Variants in PDK1 observed in about 807,000 individuals in gnomAD.
The protein encoded by PDK1 is [Pyruvate dehydrogenase (acetyl-transferring)] kinase isozyme 1, mitochondrial.
A neutral mutation model predicts 54.2 loss-of-function variants in PDK1; 39 were observed. The ratio of observed to expected loss-of-function variants is 0.72; its 90% CI spans 0.56 to 0.94. The LOEUF (loss-of-function observed/expected upper bound fraction) is 0.94, where lower values mean the gene tolerates loss of function less well. PDK1 is among the 40% of genes least tolerant of loss of function. The probability of loss-of-function intolerance (pLI) is 0.00; values close to 1 mark genes in which losing one functional copy is unlikely to be tolerated. For missense variants in PDK1, 552 were observed against 566.0 expected (o/e 0.98, Z 0.25); for synonymous variants, 221 against 207.1 (o/e 1.07, Z -0.58).
At position 172,608,210 on chromosome 2, in the gene PDK1, A is replaced by G. The variant is rs1691357991; in HGVS notation, c.*12241A>G. The G allele has an allele frequency of 6.6e-6, 1 of 152,336 alleles. No individual in the cohort carries two copies. The allele number at this position is 152,336 out of a possible 1,614,324, so 9.4% of individuals were successfully genotyped here. On this transcript the variant is annotated 3_prime_UTR_variant, in exon 11 of 11. Transcript: ENST00000282077. ...GGGATGATAATGATATTGCTGTACT[A>G]AAGTCTATTTAGGAAATGGAAATAT...
intron 8 of PDK1, among the ~76,000 whole-genome samples, chr2:172,583,286 T>TTTG (rs1261563000): frequency 1.7e-5 from 2 of 120,892 alleles, no homozygotes; most frequent in Non-Finnish European, 3.3e-5. Flanking sequence ...TTCTGGTTTT[T>TTTG]TTTTTTTTTT....
chr2:172,686,148 C>G, the PDK1 span, among the ~76,000 whole-genome samples: 8 of 152,296 alleles, frequency 5.3e-5, no homozygotes, highest in Non-Finnish European at 8.8e-5. Context: ...GAATTTCACT[C>G]TTTAGTAAAG....
chr2:172,701,742 C>A, the PDK1 span, among the ~76,000 whole-genome samples: 8 of 148,994 alleles, frequency 5.4e-5, no homozygotes, highest in East Asian at 1.6e-3. Flanking sequence ...TAGATACATG[C>A]ACATTTAGAA....
chr2:172,622,382 A>G, the PDK1 span, among the ~76,000 whole-genome samples: 1 of 147,010 alleles, frequency 6.8e-6, no homozygotes, highest in Non-Finnish European at 1.5e-5. Context: ...ATTATGTGAG[A>G]TATGTTTATA....
the PDK1 span, among the ~76,000 whole-genome samples, chr2:172,708,075 G>A: frequency 5.7e-4 from 87 of 152,124 alleles, no homozygotes; most frequent in Non-Finnish European, 9.6e-4. Context: ...GTCGAGGTGA[G>A]TAGATTGCTT....
the PDK1 span, among the ~76,000 whole-genome samples, chr2:172,691,650 A>G: frequency 6.6e-6 from 1 of 152,312 alleles, no homozygotes; most frequent in South Asian, 2.1e-4. Context: ...AATGTCATAT[A>G]GTTGGAATCG....
rs1427023937 is a variant in PDK1, at chr2:172,582,703, G to A, written c.946-3575G>A. On this transcript the variant is annotated intron_variant, in intron 8 of 10. Coordinates refer to ENST00000282077, the MANE Select transcript of PDK1 (RefSeq NM_002610.5). Reference sequence around the variant, plus strand: ...CATTATTCCCTCCCTCCCTTTTCCTGAAGAACTTGGATCCTCCAATAATCT... The same window carrying A: ...CATTATTCCCTCCCTCCCTTTTCCTAAAGAACTTGGATCCTCCAATAATCT... Among the ~76,000 whole-genome samples, 4 of 152,140 alleles carry A rather than the reference G, an allele frequency of 2.6e-5. No individual in the cohort carries two copies. The East Asian group carries it at 5.8e-4, about 22-fold the overall frequency.
chr2:172,599,237 A>G lies in PDK1; in HGVS notation c.*3268A>G, dbSNP rs1691031531. 1 of 152,130 alleles carries G rather than the reference A, an allele frequency of 6.6e-6. No individual in the cohort carries two copies. The allele number at this position is 152,130 out of a possible 1,614,324, so 9.4% of individuals were successfully genotyped here. ...TTGAATGGCAGAACTACTATAGTCA[A>G]AAATAAATTCCTATCCTATTTTTAA... On this transcript the variant is annotated 3_prime_UTR_variant, in exon 11 of 11. Coordinates refer to ENST00000282077, the MANE Select transcript of PDK1 (RefSeq NM_002610.5).
chr2:172,611,746 A>G (rs1187853687), downstream of PDK1, among the ~76,000 whole-genome samples: 2 of 152,266 alleles, frequency 1.3e-5, no homozygotes, highest in East Asian at 1.9e-4. Context: ...TCAAGATTCA[A>G]AAATCAATTA....
At chr2:172,683,649 A>G in the PDK1 span, among the ~76,000 whole-genome samples, 1 of 152,228 alleles carries the variant, frequency 6.6e-6, no homozygotes, top group Admixed American at 6.5e-5. Context: ...TGGAGTGAGT[A>G]ATGCATGGAT....
chr2:172,652,234 T>C, the PDK1 span, among the ~76,000 whole-genome samples: 1 of 152,218 alleles, frequency 6.6e-6, no homozygotes, highest in Non-Finnish European at 1.5e-5. Flanking sequence ...ATTATCTCAA[T>C]AGATGCAGAA....
At chr2:172,716,526 T>C in the PDK1 span, among the ~76,000 whole-genome samples, 7 of 152,092 alleles carry the variant, frequency 4.6e-5, no homozygotes, top group East Asian at 9.6e-4. Context: ...AGTTTCACCA[T>C]GTTGGTCAGG....
Position 172,607,197 on chromosome 2 carries a change from G to A in PDK1, c.*11228G>A, listed in dbSNP as rs1054152909. Reference sequence around the variant, plus strand: ...CCAACTACTCCAGAGGCTGAGGTGTGATAGAATTTCTTGAACCTAGGCGTT... The same window carrying A: ...CCAACTACTCCAGAGGCTGAGGTGTAATAGAATTTCTTGAACCTAGGCGTT... On this transcript the variant is annotated 3_prime_UTR_variant, in exon 11 of 11. Coordinates refer to ENST00000282077, the MANE Select transcript of PDK1 (RefSeq NM_002610.5). 6.6e-6 allele frequency: 1 copy of A among 151,894 alleles called. No homozygotes were observed. The highest frequency in any genetic ancestry group is 2.4e-5 in the African/African-American group (1 of 41,442). 9.4% of individuals were successfully genotyped at this position (151,894 alleles called of 1,614,324 possible). A position where few individuals can be genotyped will look rare whatever the true frequency, so the allele number is the denominator to read the frequency against.
chr2:172,658,652 A>G, the PDK1 span, among the ~76,000 whole-genome samples: 2,398 of 152,268 alleles, frequency 0.016, 65 homozygotes, highest in African/African-American at 0.055. Context: ...CTAGCAAGGA[A>G]TATTAAGACC....
the PDK1 span, among the ~76,000 whole-genome samples, chr2:172,702,332 C>T: frequency 2.6e-5 from 4 of 152,096 alleles, no homozygotes; most frequent in East Asian, 1.9e-4. Context: ...AAAAAATTAG[C>T]GGCGCATGAT....
chr2:172,716,450 G>T, the PDK1 span, among the ~76,000 whole-genome samples: 1 of 151,620 alleles, frequency 6.6e-6, no homozygotes. Flanking sequence ...CTCACCTCCC[G>T]AATAGCTGGG....
At chr2:172,621,525 C>A in the PDK1 span, among the ~76,000 whole-genome samples, 1 of 146,680 alleles carries the variant, frequency 6.8e-6, no homozygotes, top group South Asian at 2.1e-4. Context: ...TTAATAAACT[C>A]TTCTTTTTTA....
At chr2:172,615,676 G>T in the PDK1 span, among the ~76,000 whole-genome samples, 4 of 152,028 alleles carry the variant, frequency 2.6e-5, no homozygotes, top group Non-Finnish European at 5.9e-5. Flanking sequence ...CCAAGGGTAA[G>T]TAATATCTTA....
chr2:172,611,300 A>G (rs559594955), downstream of PDK1, among the ~76,000 whole-genome samples: 87 of 152,338 alleles, frequency 5.7e-4, no homozygotes, highest in African/African-American at 2.0e-3. Context: ...TAAAACCAGG[A>G]GCAAAAACCT....
Sources: allele counts gnomAD v4.1 joint callset (sites outside exome capture counted in the v4.1 genomes callset), GRCh38; gene constraint gnomAD v4.1.1; transcripts MANE v1.5; gene names NCBI Gene and HGNC (gene_info 2026-07-23, HGNC 2026-07-21).